The following URI1 variants were observed in gnomAD, a reference collection of about 807,000 sequenced individuals.
URI1 encodes URI1 prefoldin like chaperone.
URI1 carries 39 observed loss-of-function variants against 60.2 expected under a neutral mutation model. That is an observed-to-expected ratio of 0.65 (90% CI 0.50 to 0.85). The LOEUF is 0.85. Among genes scored for constraint, URI1 ranks in the 40% least tolerant of loss-of-function variants. The pLI, the probability that URI1 is intolerant of heterozygous loss-of-function variation, is 0.00. For synonymous variants in URI1, 251 were observed against 236.8 expected (o/e 1.06, Z -0.55); for missense variants, 691 against 665.9 (o/e 1.04, Z -0.42).
chr19:29,989,584 G>A (rs1157035776), intron 4 of URI1, among the ~76,000 whole-genome samples: 9 of 151,008 alleles, frequency 6.0e-5, no homozygotes, highest in Admixed American at 1.3e-4. Flanking sequence ...CACCACGCCC[G>A]GCTAATTTTT....
chr19:29,943,542 GA>G (rs1462004307), intron 1 of URI1, among the ~76,000 whole-genome samples: 1 of 152,130 alleles, frequency 6.6e-6, no homozygotes, highest in Non-Finnish European at 1.5e-5. Context: ...AAAGGGTTAG[GA>G]AGTTGCTTCA....
At chr19:29,977,500 T>G (rs761060711) in intron 2 of URI1, among the ~76,000 whole-genome samples, 20 of 151,920 alleles carry the variant, frequency 1.3e-4, no homozygotes, top group African/African-American at 3.1e-4. Flanking sequence ...CTACAAAGTT[T>G]TCAGTCACTG....
At chr19:29,960,585 T>C (rs1198354133) in intron 1 of URI1, among the ~76,000 whole-genome samples, 2 of 152,174 alleles carry the variant, frequency 1.3e-5, no homozygotes, top group Non-Finnish European at 2.9e-5. Context: ...ATTAGTATGG[T>C]CACACCAGCT....
chr19:29,938,835 C>A (rs548511785), upstream of URI1, among the ~76,000 whole-genome samples: 5 of 151,730 alleles, frequency 3.3e-5, no homozygotes, highest in South Asian at 2.1e-4. Flanking sequence ...TGCCACCACA[C>A]CTGGCTAATT....
intron 2 of URI1, among the ~76,000 whole-genome samples, chr19:29,981,855 C>T (rs1568429109): frequency 2.6e-5 from 4 of 151,824 alleles, no homozygotes; most frequent in Non-Finnish European, 4.4e-5. Flanking sequence ...AAATTAATTA[C>T]GTTTCTAATT....
intron 1 of URI1, among the ~76,000 whole-genome samples, chr19:29,949,604 C>T (rs1380160269): frequency 6.6e-6 from 1 of 152,190 alleles, no homozygotes; most frequent in African/African-American, 2.4e-5. Context: ...CGCCACTGCA[C>T]TCCAGCCTGG....
At chr19:29,957,773 CAATT>C in intron 1 of URI1, among the ~76,000 whole-genome samples, 1 of 152,018 alleles carries the variant, frequency 6.6e-6, no homozygotes, top group East Asian at 1.9e-4. Context: ...CATGGTATAT[CAATT>C]TATTTACTTC....
At chr19:29,964,721 C>T (rs1034090498) in intron 1 of URI1, among the ~76,000 whole-genome samples, 9 of 151,984 alleles carry the variant, frequency 5.9e-5, no homozygotes, top group African/African-American at 2.2e-4. Flanking sequence ...CTCGGCCTCC[C>T]AAAGTGCTGG....
At chr19:29,988,624 G>C (rs2055703626) in intron 4 of URI1, among the ~76,000 whole-genome samples, 1 of 152,202 alleles carries the variant, frequency 6.6e-6, no homozygotes, top group East Asian at 1.9e-4. Flanking sequence ...TTTTATTGCT[G>C]AGGAGTGTTC....
chr19:30,013,141 C>T (rs952776405), intron 10 of URI1, among the ~76,000 whole-genome samples: 1 of 152,116 alleles, frequency 6.6e-6, no homozygotes, highest in South Asian at 2.1e-4. Context: ...ATAAGGATGT[C>T]TGTGAAATAT....
intron 4 of URI1, among the ~76,000 whole-genome samples, chr19:30,003,404 G>A (rs772634641): frequency 7.2e-5 from 11 of 152,016 alleles, no homozygotes; most frequent in Non-Finnish European, 2.9e-5. Flanking sequence ...TTATCAGTTT[G>A]TGGTATTTCT....
At chr19:29,985,969 C>T (rs1480166412) in intron 3 of URI1, among the ~76,000 whole-genome samples, 5 of 152,120 alleles carry the variant, frequency 3.3e-5, no homozygotes, top group Non-Finnish European at 5.9e-5. Context: ...GTTGCTTTCA[C>T]TTAGATTTGC....
chr19:29,985,228 A>C lies in URI1; in HGVS notation c.158A>C (p.Lys53Thr), dbSNP rs2055652480. ...TTGGTGTTTTCTGTCAACAGGAAGA[A>C]GGTAGATAATGACTATAATGCCCTT... ...NCQERIQHWKKVDNDYNALRE... is the reference protein window; with the variant it reads ...NCQERIQHWKTVDNDYNALRE... Residue 53 changes from lysine (K) to threonine (T), a missense_variant, in exon 3 of 11, where the codon AAG (lysine) becomes ACG (threonine). By Grantham distance (78) the Lys-to-Thr change is moderately conservative. Coordinates refer to ENST00000392271, the MANE Select transcript of URI1 (RefSeq NM_003796.3). 3.8e-6 allele frequency: 6 copies of C among 1,593,462 alleles called. No homozygotes were observed. Among genetic ancestry groups the C allele is most frequent in the Non-Finnish European group, 5.1e-6 (6 of 1,167,908 alleles).
At chr19:30,005,585 T>C in intron 5 of URI1, 66 bp from the exon 6 acceptor site, 1 of 1,569,690 alleles carries the variant, frequency 6.4e-7, no homozygotes, top group South Asian at 1.2e-5. Flanking sequence ...ATAGTTGCTC[T>C]TTGGATAATT....
At chr19:29,975,202 A>T (rs2055505579) in intron 2 of URI1, among the ~76,000 whole-genome samples, 1 of 152,122 alleles carries the variant, frequency 6.6e-6, no homozygotes, top group Non-Finnish European at 1.5e-5. Context: ...GTGTAAAAGC[A>T]TTCCTTTTCT....
chr19:29,956,621 G>T, intron 1 of URI1: 4 of 1,496,228 alleles, frequency 2.7e-6, no homozygotes, highest in South Asian at 2.3e-5. Context: ...TGAACCCTGC[G>T]GATGTATTTT....
At chr19:29,925,949 G>C (rs2054861726) in intron 1 of URI1, 1 of 152,252 alleles carries the variant, frequency 6.6e-6, no homozygotes, top group Admixed American at 6.5e-5. Flanking sequence ...GATGGCACTA[G>C]TCCAAAGGAT....
chr19:29,985,851 A>G (rs2055661651), intron 3 of URI1, among the ~76,000 whole-genome samples: 1 of 152,186 alleles, frequency 6.6e-6, no homozygotes, highest in East Asian at 1.9e-4. Flanking sequence ...AGATCCATTA[A>G]AGCTATTTGT....
intron 4 of URI1, among the ~76,000 whole-genome samples, chr19:29,988,209 G>A (rs1197856616): frequency 6.6e-6 from 1 of 151,324 alleles, no homozygotes; most frequent in African/African-American, 2.4e-5. Context: ...TTATTCACAT[G>A]GTTTTATAAT....
Sources: gnomAD v4.1 joint callset for allele counts (sites outside exome capture counted in the v4.1 genomes callset) on GRCh38, gnomAD v4.1.1 for gene constraint, MANE v1.5 for transcripts, NCBI Gene and HGNC (gene_info 2026-07-23, HGNC 2026-07-21) for gene names.